PCDH9: variants seen among roughly 807,000 people sequenced by gnomAD.
PCDH9 encodes the protein protocadherin 9, also known as protocadherin-9.
PCDH9 carries 24 observed loss-of-function variants against 70.6 expected under a neutral mutation model. That is an observed-to-expected ratio of 0.34 (90% CI 0.25 to 0.48). The LOEUF (loss-of-function observed/expected upper bound fraction) is 0.48, where lower values mean the gene tolerates loss of function less well. Ranked by LOEUF, PCDH9 falls within the 20% of genes least tolerant of loss-of-function variation. PCDH9 has a pLI of 0.99. For missense variants in PCDH9, 1,281 were observed against 1,503.6 expected (o/e 0.85, Z 2.45); for synonymous variants, 562 against 558.5 (o/e 1.01, Z -0.09).
chr13:67,046,402 A>G (rs567006309), intron 2 of PCDH9, among the ~76,000 whole-genome samples: 2 of 152,324 alleles, frequency 1.3e-5, no homozygotes, highest in East Asian at 3.9e-4. Context: ...AAATTGATAA[A>G]GCTGAGTAAC....
chr13:66,841,570 G>A (rs1417687254), intron 3 of PCDH9, among the ~76,000 whole-genome samples: 2 of 151,966 alleles, frequency 1.3e-5, no homozygotes, highest in Non-Finnish European at 2.9e-5. Context: ...AAGAAAACAA[G>A]AATAATAATA....
chr13:66,439,308 CT>C (rs778877963), intron 4 of PCDH9, among the ~76,000 whole-genome samples: 1 of 152,090 alleles, frequency 6.6e-6, no homozygotes, highest in Non-Finnish European at 1.5e-5. Flanking sequence ...GTTATCTCAT[CT>C]ATAAAATACA....
intron 3 of PCDH9, among the ~76,000 whole-genome samples, chr13:66,808,727 T>C (rs1361057360): frequency 6.6e-6 from 1 of 152,272 alleles, no homozygotes; most frequent in South Asian, 2.1e-4. Context: ...TAAATTGTAG[T>C]TTATTCATTA....
At chr13:66,343,636 C>T (rs1359345063) in intron 4 of PCDH9, among the ~76,000 whole-genome samples, 2 of 152,198 alleles carry the variant, frequency 1.3e-5, no homozygotes, top group African/African-American at 2.4e-5. Context: ...AATATATCTG[C>T]GTGTAAGCAC....
At chr13:66,477,918 G>A (rs905998793) in intron 4 of PCDH9, among the ~76,000 whole-genome samples, 2 of 152,134 alleles carry the variant, frequency 1.3e-5, no homozygotes, top group South Asian at 4.1e-4. Flanking sequence ...GCATGATTAT[G>A]AGTACAGGCA....
At chr13:66,369,920 A>G (rs1294463894) in intron 4 of PCDH9, among the ~76,000 whole-genome samples, 1 of 152,102 alleles carries the variant, frequency 6.6e-6, no homozygotes, top group Admixed American at 6.6e-5. Flanking sequence ...CAGTGGAAGT[A>G]TTTTCTTTGG....
At chr13:66,398,081 G>T (rs758892133) in intron 4 of PCDH9, among the ~76,000 whole-genome samples, 26 of 151,886 alleles carry the variant, frequency 1.7e-4, no homozygotes, top group Non-Finnish European at 2.9e-4. Context: ...ATTCCAAAGG[G>T]TTATATGACT....
chr13:67,217,756 G>A (rs2089640070), intron 2 of PCDH9: 1 of 152,018 alleles, frequency 6.6e-6, no homozygotes, highest in East Asian at 1.9e-4. Context: ...GACACCTGGG[G>A]TGTTAATCTG....
chr13:66,664,654 C>T (rs2078067962), intron 3 of PCDH9, among the ~76,000 whole-genome samples: 1 of 152,080 alleles, frequency 6.6e-6, no homozygotes, highest in African/African-American at 2.4e-5. Context: ...TGACTTATTT[C>T]TCCTTTAAAC....
chr13:66,564,688 T>C (rs145424257), intron 4 of PCDH9, among the ~76,000 whole-genome samples: 1 of 152,112 alleles, frequency 6.6e-6, no homozygotes, highest in Non-Finnish European at 1.5e-5. Context: ...AAAATGATTA[T>C]ATTAGTCATA....
chr13:66,935,300 C>A (rs573406366), intron 2 of PCDH9, among the ~76,000 whole-genome samples: 54 of 152,194 alleles, frequency 3.5e-4, no homozygotes, highest in African/African-American at 1.3e-3. Flanking sequence ...AAATGATCCT[C>A]CCACCTCAGC....
intron 3 of PCDH9, among the ~76,000 whole-genome samples, chr13:66,649,389 G>A (rs553724057): frequency 8.5e-5 from 13 of 152,158 alleles, no homozygotes; most frequent in African/African-American, 3.1e-4. Context: ...CTATAGGCTA[G>A]GAGAGAGTGG....
chr13:66,410,847 C>T (rs910225905), intron 4 of PCDH9, among the ~76,000 whole-genome samples: 11 of 151,986 alleles, frequency 7.2e-5, no homozygotes, highest in African/African-American at 2.4e-4. Flanking sequence ...TATTTTTCTT[C>T]CTATATCTCT....
At chr13:66,603,364 G>T (rs1274761812) in intron 4 of PCDH9, among the ~76,000 whole-genome samples, 1 of 152,060 alleles carries the variant, frequency 6.6e-6, no homozygotes, top group East Asian at 1.9e-4. Context: ...TTGAATTTAA[G>T]AAAGTAGAAT....
At chr13:66,341,783 A>C (rs1956131102) in intron 4 of PCDH9, among the ~76,000 whole-genome samples, 1 of 152,138 alleles carries the variant, frequency 6.6e-6, no homozygotes, top group Non-Finnish European at 1.5e-5. Context: ...ATGGGCATAA[A>C]TCTCCAGAAC....
intron 3 of PCDH9, among the ~76,000 whole-genome samples, chr13:66,884,978 G>C (rs910788179): frequency 6.6e-6 from 1 of 152,030 alleles, no homozygotes; most frequent in Non-Finnish European, 1.5e-5. Context: ...ATTCATATCA[G>C]CAATAAAATT....
intron 4 of PCDH9, among the ~76,000 whole-genome samples, chr13:66,466,388 T>A (rs543981001): frequency 6.6e-6 from 1 of 152,214 alleles, no homozygotes; most frequent in South Asian, 2.1e-4. Context: ...TCTCTTATCT[T>A]GATTTATGAT....
At chr13:67,222,533 G>A (rs186630589) in intron 2 of PCDH9, 102 of 152,106 alleles carry the variant, frequency 6.7e-4, no homozygotes, top group African/African-American at 2.4e-3. Context: ...AACATCAGAC[G>A]TTATGTTTTC....
intron 4 of PCDH9, among the ~76,000 whole-genome samples, chr13:66,338,778 GA>G (rs1265499523): frequency 6.6e-6 from 1 of 151,766 alleles, no homozygotes; most frequent in Non-Finnish European, 1.5e-5. Context: ...TTTAATTCTA[GA>G]AATCTATCTC....
Sources: gnomAD v4.1 joint callset for allele counts (sites outside exome capture counted in the v4.1 genomes callset) on GRCh38, gnomAD v4.1.1 for gene constraint, MANE v1.5 for transcripts, NCBI Gene and HGNC (gene_info 2026-07-23, HGNC 2026-07-21) for gene names.